The following LRCH1 variants were observed in gnomAD, a reference collection of about 807,000 sequenced individuals.
LRCH1 encodes the protein leucine-rich repeat and calponin homology domain-containing protein 1.
In LRCH1, 23 loss-of-function variants were observed where a neutral mutation model predicts 94.9. That is an observed-to-expected ratio of 0.24 (90% confidence interval 0.17 to 0.34). LRCH1 has a LOEUF of 0.34. Among genes scored for constraint, LRCH1 ranks in the 10% least tolerant of loss-of-function variants. The probability of loss-of-function intolerance (pLI) is 1.00; values close to 1 mark genes in which losing one functional copy is unlikely to be tolerated. For synonymous variants in LRCH1, 364 were observed against 354.9 expected, an observed-to-expected ratio of 1.03 and a Z score of -0.29; for missense variants, 790 against 945.9, an observed-to-expected ratio of 0.84 and a Z score of 2.16.
intron 1 of LRCH1, among the ~76,000 whole-genome samples, chr13:46,573,200 T>C (rs1268024139): frequency 2.0e-5 from 3 of 152,206 alleles, no homozygotes; most frequent in Non-Finnish European, 4.4e-5. Context: ...TTTTCTCTTT[T>C]CTCATGTAAC....
chr13:46,736,346 A>G (rs577156095), intron 19 of LRCH1, among the ~76,000 whole-genome samples: 4 of 152,180 alleles, frequency 2.6e-5, no homozygotes, highest in Non-Finnish European at 2.9e-5. Context: ...TGTATACTCA[A>G]AACAACATGT....
chr13:46,616,908 T>A (rs2050816584), intron 1 of LRCH1, among the ~76,000 whole-genome samples: 1 of 152,228 alleles, frequency 6.6e-6, no homozygotes, highest in Admixed American at 6.5e-5. Context: ...ACAAAGTACA[T>A]TCTCAAGGGT....
chr13:46,677,033 G>C (rs2051683534), intron 3 of LRCH1, among the ~76,000 whole-genome samples: 1 of 152,032 alleles, frequency 6.6e-6, no homozygotes, highest in South Asian at 2.1e-4. Context: ...GCCCACCTTG[G>C]CCTTCCAAAG....
chr13:46,685,578 A>G (rs767751071), intron 4 of LRCH1, among the ~76,000 whole-genome samples: 2 of 152,164 alleles, frequency 1.3e-5, no homozygotes, highest in African/African-American at 2.4e-5. Flanking sequence ...AAACATAAAC[A>G]TGTCCTGTGT....
chr13:46,641,759 A>G (rs1351320274), intron 1 of LRCH1, among the ~76,000 whole-genome samples: 3 of 152,122 alleles, frequency 2.0e-5, no homozygotes, highest in Non-Finnish European at 4.4e-5. Flanking sequence ...TTCCTTTTTC[A>G]TACAAAAACA....
chr13:46,608,764 G>T (rs1045739230), intron 1 of LRCH1, among the ~76,000 whole-genome samples: 3 of 152,118 alleles, frequency 2.0e-5, no homozygotes, highest in Non-Finnish European at 4.4e-5. Context: ...ACTGATTTTG[G>T]TATAATGTAG....
intron 1 of LRCH1, among the ~76,000 whole-genome samples, chr13:46,596,165 T>G (rs77472458): frequency 6.6e-6 from 1 of 152,122 alleles, no homozygotes; most frequent in African/African-American, 2.4e-5. Flanking sequence ...ATCAAAAATG[T>G]TTTTTTCCCT....
intron 1 of LRCH1, among the ~76,000 whole-genome samples, chr13:46,628,009 A>G (rs926727478): frequency 2.0e-5 from 3 of 152,098 alleles, no homozygotes; most frequent in African/African-American, 4.8e-5. Context: ...AGTCTGGCTT[A>G]TGGGAAATAT....
chr13:46,747,490 C>G (rs1196374728), downstream of LRCH1, among the ~76,000 whole-genome samples: 3 of 152,206 alleles, frequency 2.0e-5, no homozygotes, highest in Non-Finnish European at 4.4e-5. Flanking sequence ...GATAGGACAC[C>G]TTGCTCCATA....
At chr13:46,688,445 G>T (rs842374) in intron 6 of LRCH1, among the ~76,000 whole-genome samples, 1,929 of 152,198 alleles carry the variant, frequency 0.013, 29 homozygotes, top group African/African-American at 0.044. Context: ...GTGTAGTTTT[G>T]TCGCCACTTC....
At chr13:46,708,936 C>T (rs909810329) in intron 13 of LRCH1, among the ~76,000 whole-genome samples, 28 of 152,202 alleles carry the variant, frequency 1.8e-4, no homozygotes, top group African/African-American at 5.8e-4. Context: ...GTGAGTAGTT[C>T]GTGAGGATTC....
intron 2 of LRCH1, among the ~76,000 whole-genome samples, chr13:46,658,049 A>G (rs1414797716): frequency 6.6e-6 from 1 of 152,158 alleles, no homozygotes; most frequent in African/African-American, 2.4e-5. Context: ...CATGATCTCT[A>G]TTGCATTTCA....
intron 16 of LRCH1, among the ~76,000 whole-genome samples, chr13:46,715,991 G>A (rs9590986): frequency 6.6e-6 from 1 of 151,756 alleles, no homozygotes; most frequent in East Asian, 1.9e-4. Flanking sequence ...ATTTATCTCC[G>A]CTTGTTCCTG....
intron 1 of LRCH1, among the ~76,000 whole-genome samples, chr13:46,597,075 C>A (rs2050572159): frequency 6.6e-6 from 1 of 152,166 alleles, no homozygotes; most frequent in African/African-American, 2.4e-5. Flanking sequence ...GGCCTACTTG[C>A]TAAAATGTAT....
At chr13:46,704,726 A>G (rs1396321229) in intron 11 of LRCH1, among the ~76,000 whole-genome samples, 1 of 152,084 alleles carries the variant, frequency 6.6e-6, no homozygotes, top group Non-Finnish European at 1.5e-5. Context: ...ATAATGTAAT[A>G]CTCTCAGCAA....
intron 19 of LRCH1, among the ~76,000 whole-genome samples, chr13:46,734,439 T>TA (rs754616237): frequency 2.6e-5 from 4 of 152,176 alleles, no homozygotes; most frequent in South Asian, 2.1e-4. Flanking sequence ...CATATGTGGA[T>TA]AAAAAAATCA....
chr13:46,619,067 C>CCTTA (rs1218364946), intron 1 of LRCH1, among the ~76,000 whole-genome samples: 1 of 50,856 alleles, frequency 2.0e-5, no homozygotes, highest in Non-Finnish European at 3.4e-5. Flanking sequence ...TTTCTTTTTT[C>CCTTA]CTTCCTTCCT....
intron 1 of LRCH1, among the ~76,000 whole-genome samples, chr13:46,619,598 G>T (rs9526202): frequency 6.6e-6 from 1 of 152,178 alleles, no homozygotes; most frequent in Admixed American, 6.5e-5. Flanking sequence ...GAAGATACTT[G>T]ATTAGAGAAA....
intron 1 of LRCH1, among the ~76,000 whole-genome samples, chr13:46,595,804 T>C (rs946640918): frequency 2.1e-4 from 32 of 150,914 alleles, no homozygotes; most frequent in Non-Finnish European, 4.6e-4. Context: ...AGATGTGGAG[T>C]TCTGCTGGCA....
Sources: allele counts gnomAD v4.1 joint callset (sites outside exome capture counted in the v4.1 genomes callset), GRCh38; gene constraint gnomAD v4.1.1; transcripts MANE v1.5; gene names NCBI Gene and HGNC (gene_info 2026-07-23, HGNC 2026-07-21).